The following TRIM24 variants were observed in gnomAD, a reference collection of about 807,000 sequenced individuals.
TRIM24 encodes transcription intermediary factor 1-alpha.
In TRIM24, 29 loss-of-function variants were observed where a neutral mutation model predicts 123.9. The ratio of observed to expected loss-of-function variants is 0.23; its 90% confidence interval spans 0.17 to 0.32. TRIM24 has a LOEUF of 0.32. Ranked by LOEUF, TRIM24 falls within the 10% of genes least tolerant of loss-of-function variation. The pLI, the probability that TRIM24 is intolerant of heterozygous loss-of-function variation, is 1.00. For synonymous variants in TRIM24, 456 were observed against 461.1 expected, an observed-to-expected ratio of 0.99 and a Z score of 0.14; for missense variants, 932 against 1,295.3, an observed-to-expected ratio of 0.72 and a Z score of 4.31.
At chr7:138,519,679 GT>G (rs1012485908) in intron 4 of TRIM24, among the ~76,000 whole-genome samples, 15 of 152,230 alleles carry the variant, frequency 9.9e-5, no homozygotes, top group African/African-American at 3.6e-4. Context: ...CCAACACACT[GT>G]TTTAAAATAT....
intron 1 of TRIM24, among the ~76,000 whole-genome samples, chr7:138,484,876 T>C (rs1056167357): frequency 3.9e-5 from 6 of 152,174 alleles, no homozygotes; most frequent in African/African-American, 1.4e-4. Flanking sequence ...GGTTTATCTA[T>C]AGGACTCTAT....
At chr7:138,461,033 C>A in intron 1 of TRIM24, 121 bp downstream of exon 1, 1 of 964,064 alleles carries the variant, frequency 1.0e-6, no homozygotes, top group Non-Finnish European at 1.4e-6. Context: ...GGGGGAGGGG[C>A]GAGCAGGAGG....
chr7:138,575,598 CTT>C (rs930083510), intron 12 of TRIM24, among the ~76,000 whole-genome samples: 92 of 152,028 alleles, frequency 6.1e-4, no homozygotes, highest in African/African-American at 2.0e-3. Flanking sequence ...TTCATCAAAC[CTT>C]TTAGAACTTC....
In TRIM24 at chr7:138,535,237, T is replaced by C. The variant is rs550803934; in HGVS notation, c.997-3420T>C. ...TACATTTAAGGTTAATATTGTTATG[T>C]GTGAATTTGATCCTGTCATTGTGAT... On this transcript the variant is annotated intron_variant, in intron 6 of 18. Transcript: ENST00000343526. 1.3e-3 allele frequency among the ~76,000 whole-genome samples: 201 copies of C among 152,334 alleles called. 1 individual carries two copies. Among genetic ancestry groups the C allele is most frequent in the Non-Finnish European group, 2.3e-3 (156 of 68,020 alleles).
At chr7:138,495,449 T>C (rs1403063932) in intron 1 of TRIM24, among the ~76,000 whole-genome samples, 4 of 152,148 alleles carry the variant, frequency 2.6e-5, no homozygotes. Context: ...ATTTTTGCAC[T>C]TGGAAGACAG....
chr7:138,485,858 A>G (rs892703414), intron 1 of TRIM24, among the ~76,000 whole-genome samples: 1 of 152,176 alleles, frequency 6.6e-6, no homozygotes, highest in Admixed American at 6.5e-5. Flanking sequence ...TATACCCAGT[A>G]ATGGGATCAC....
chr7:138,544,363 T>G (rs943218922), intron 7 of TRIM24, among the ~76,000 whole-genome samples: 2 of 152,242 alleles, frequency 1.3e-5, no homozygotes, highest in African/African-American at 4.8e-5. Context: ...TTTCCTTTTT[T>G]AAGGTTGGAT....
chr7:138,520,971 C>A (rs1050439150), intron 4 of TRIM24, among the ~76,000 whole-genome samples: 1 of 152,170 alleles, frequency 6.6e-6, no homozygotes, highest in Non-Finnish European at 1.5e-5. Flanking sequence ...CAGAAGCTGA[C>A]GAAAGGCATT....
At chr7:138,535,843 T>C (rs914099473) in intron 6 of TRIM24, among the ~76,000 whole-genome samples, 10 of 152,178 alleles carry the variant, frequency 6.6e-5, no homozygotes, top group Non-Finnish European at 1.2e-4. Flanking sequence ...CCCGTCACTT[T>C]CAGGTACACC....
At chr7:138,516,610 C>T (rs1796401428) in intron 3 of TRIM24, among the ~76,000 whole-genome samples, 1 of 152,136 alleles carries the variant, frequency 6.6e-6, no homozygotes, top group African/African-American at 2.4e-5. Context: ...CAGCCTTGGC[C>T]TCCCAAACTG....
At chr7:138,512,039 G>A (rs1456544855) in intron 2 of TRIM24, among the ~76,000 whole-genome samples, 1 of 152,154 alleles carries the variant, frequency 6.6e-6, no homozygotes, top group Non-Finnish European at 1.5e-5. Context: ...GGGGCTGCAG[G>A]CCTTGTGCAA....
rs1463021188 is a variant in TRIM24, at chr7:138,585,651, A to G, written c.*700A>G. On this transcript the variant is annotated 3_prime_UTR_variant, in exon 19 of 19. Transcript: ENST00000343526. ...AGGTATTTTGGTATAGCAGGTTTTCAAGGCCATTTTTTATACATTTCTAGA... is the reference window on the plus strand; with the variant it reads ...AGGTATTTTGGTATAGCAGGTTTTCGAGGCCATTTTTTATACATTTCTAGA... 2.7e-6 allele frequency: 1 copy of G among 370,868 alleles called. No individual in the cohort carries two copies. Among genetic ancestry groups the G allele is most frequent in the Non-Finnish European group, 5.2e-6 (1 of 192,984 alleles). 23.0% of individuals were successfully genotyped at this position (370,868 alleles called of 1,614,324 possible). A position where few individuals can be genotyped will look rare whatever the true frequency, so the allele number is the denominator to read the frequency against.
chr7:138,541,078 GATCC>G (rs1796993805), intron 7 of TRIM24, among the ~76,000 whole-genome samples: 1 of 152,128 alleles, frequency 6.6e-6, no homozygotes, highest in South Asian at 2.1e-4. Context: ...GACCTCAAGT[GATCC>G]ACCCGCCTTG....
At chr7:138,517,360 GTGTTTTGTTT>G (rs574134474) in intron 3 of TRIM24, among the ~76,000 whole-genome samples, 42 of 151,758 alleles carry the variant, frequency 2.8e-4, no homozygotes, top group Admixed American at 9.8e-4. Flanking sequence ...TTGTGTGTGT[GTGTTTTGTTT>G]TGTTTTGTTT....
rs550052253 is a variant in TRIM24 at position 138,570,360 on chromosome 7, G to A, written c.1705-470G>A. 3.5e-4 allele frequency among the ~76,000 whole-genome samples: 54 copies of A among 152,260 alleles called. No homozygotes were observed. The South Asian group carries it at 0.011, about 31-fold the overall frequency. ...TGTGTTTATCTCAGCAGGAATGATA[G>A]TACTTTCCTCAGATATTTATCGAGG... On this transcript the variant is annotated intron_variant, in intron 10 of 18. Coordinates refer to ENST00000343526, the MANE Select transcript of TRIM24 (RefSeq NM_015905.3).
rs556275745 is a variant in TRIM24 at position 138,536,831 on chromosome 7, C to T, written c.997-1826C>T. ...CCCAGAGGTGGCGTCTGCAGAGGCA[C>T]GCAGGCCTCCTTGAGCTGCAGCGGG... On this transcript the variant is annotated intron_variant, in intron 6 of 18. Coordinates refer to ENST00000343526, the MANE Select transcript of TRIM24 (RefSeq NM_015905.3). Among the ~76,000 whole-genome samples, 150 of 152,290 alleles carry T rather than the reference C, an allele frequency of 9.8e-4. 1 individual carries two copies. Among genetic ancestry groups the T allele is most frequent in the African/African-American group, 3.3e-3 (139 of 41,570 alleles).
intron 1 of TRIM24, chr7:138,491,070 A>G: frequency 4.0e-6 from 1 of 249,378 alleles, no homozygotes; most frequent in South Asian, 4.5e-5. Flanking sequence ...GACCCATGCC[A>G]TGGAAGTTAA....
At chr7:138,518,858 C>A (rs140857242) in intron 3 of TRIM24, among the ~76,000 whole-genome samples, 331 of 152,284 alleles carry the variant, frequency 2.2e-3, no homozygotes, top group African/African-American at 7.4e-3. Context: ...TAGAAGACAT[C>A]CAGGTGGTTC....
At chr7:138,484,211 G>A (rs1473551743) in intron 1 of TRIM24, among the ~76,000 whole-genome samples, 1 of 151,802 alleles carries the variant, frequency 6.6e-6, no homozygotes, top group Non-Finnish European at 1.5e-5. Flanking sequence ...CCGGGTTCAA[G>A]TTATTCTCCT....
Sources: allele counts gnomAD v4.1 joint callset (sites outside exome capture counted in the v4.1 genomes callset), GRCh38; gene constraint gnomAD v4.1.1; transcripts MANE v1.5; gene names NCBI Gene and HGNC (gene_info 2026-07-23, HGNC 2026-07-21).